The following ZC3H12C variants were observed in gnomAD, a reference collection of about 807,000 sequenced individuals.
ZC3H12C encodes the protein zinc finger CCCH-type containing 12C.
ZC3H12C carries 20 observed loss-of-function variants against 76.3 expected under a neutral mutation model. The ratio of observed to expected loss-of-function variants is 0.26; its 90% CI spans 0.18 to 0.38. The LOEUF (loss-of-function observed/expected upper bound fraction) is 0.38, where lower values mean the gene tolerates loss of function less well. Among genes scored for constraint, ZC3H12C ranks in the 10% least tolerant of loss-of-function variants. ZC3H12C has a pLI of 1.00. For missense variants in ZC3H12C, 874 were observed against 1,086.5 expected (o/e 0.80, Z 2.75); for synonymous variants, 352 against 399.6 (o/e 0.88, Z 1.42).
At chr11:110,119,732 G>T (rs894755644) in intron 1 of ZC3H12C, among the ~76,000 whole-genome samples, 1 of 152,196 alleles carries the variant, frequency 6.6e-6, no homozygotes, top group Admixed American at 6.5e-5. Context: ...TCGATGTCTG[G>T]TGAAGTCCTC....
intron 1 of ZC3H12C, among the ~76,000 whole-genome samples, chr11:110,107,641 T>A (rs1411115787): frequency 6.6e-6 from 1 of 152,122 alleles, no homozygotes; most frequent in Non-Finnish European, 1.5e-5. Flanking sequence ...ATCTCCTGCC[T>A]CAGCCTCCTG....
chr11:110,127,460 GTT>G (rs1441508695), intron 1 of ZC3H12C, among the ~76,000 whole-genome samples: 3 of 152,092 alleles, frequency 2.0e-5, no homozygotes, highest in Non-Finnish European at 4.4e-5. Flanking sequence ...AGCTTTTGTT[GTT>G]GTTGGTGGTG....
chr11:110,120,895 C>G (rs757798147), intron 1 of ZC3H12C, among the ~76,000 whole-genome samples: 29 of 152,184 alleles, frequency 1.9e-4, no homozygotes, highest in Non-Finnish European at 2.2e-4. Context: ...TCAGGTATGG[C>G]TGAGTCAGGT....
intron 1 of ZC3H12C, chr11:110,136,081 T>C (rs1163002429): frequency 6.6e-6 from 1 of 152,272 alleles, no homozygotes; most frequent in African/African-American, 2.4e-5. Context: ...ATGTGCTCTT[T>C]CATTGCAGTA....
chr11:110,095,065 A>G (rs1362156533), intron 1 of ZC3H12C, among the ~76,000 whole-genome samples: 2 of 152,222 alleles, frequency 1.3e-5, no homozygotes, highest in Non-Finnish European at 2.9e-5. Flanking sequence ...ATTTTAGTAT[A>G]ATGGGAAATA....
intron 1 of ZC3H12C, among the ~76,000 whole-genome samples, chr11:110,113,091 C>A (rs1156362952): frequency 6.6e-6 from 1 of 152,066 alleles, no homozygotes; most frequent in Non-Finnish European, 1.5e-5. Flanking sequence ...ATATCTTATT[C>A]TTTTCCTGCC....
chr11:110,135,051 T>C lies in ZC3H12C; in HGVS notation c.22-1612T>C, dbSNP rs985867027. On this transcript the variant is annotated intron_variant, in intron 1 of 5. Coordinates refer to ENST00000278590, the MANE Select transcript of ZC3H12C (RefSeq NM_033390.2). ...TATAATAGCTATTTTCTAGTGTAAATATGATGTTGAAGAGCTTTAGAAACA... is the reference window on the plus strand; with the variant it reads ...TATAATAGCTATTTTCTAGTGTAAACATGATGTTGAAGAGCTTTAGAAACA... 5.9e-5 allele frequency among the ~76,000 whole-genome samples: 9 copies of C among 152,326 alleles called. No individual in the cohort carries two copies. The East Asian group carries it at 1.7e-3, about 29-fold the overall frequency.
In ZC3H12C at chr11:110,136,958, T is replaced by G. The variant is rs1279082436; in HGVS notation, c.317T>G (p.Ile106Ser). Residue 106 changes from isoleucine (I) to serine (S), a missense_variant, in exon 2 of 6, where the codon ATT becomes AGT. Ile to Ser is a moderately radical substitution (Grantham distance 142). Coordinates refer to ENST00000278590, the MANE Select transcript of ZC3H12C (RefSeq NM_033390.2). ...CATGAGTCAGAACAATTGGGTAGCA[T>G]TTCAGTAGAGCCAGGCTTGATAACT... ...SDHESEQLGS[I>S]SVEPGLITKT... is the part of the protein sequence containing the mutation. 1.2e-6 allele frequency: 2 copies of G among 1,613,744 alleles called. No homozygotes were observed. The highest frequency in any genetic ancestry group is 1.3e-5 in the African/African-American group (1 of 75,050).
chr11:110,151,104 G>C (rs940120531), intron 2 of ZC3H12C, among the ~76,000 whole-genome samples: 2 of 152,018 alleles, frequency 1.3e-5, no homozygotes, highest in Non-Finnish European at 2.9e-5. Flanking sequence ...TGGAGAGGGA[G>C]GATAATGAAA....
chr11:110,126,035 C>A (rs1226925057), intron 1 of ZC3H12C, among the ~76,000 whole-genome samples: 1 of 152,058 alleles, frequency 6.6e-6, no homozygotes, highest in Non-Finnish European at 1.5e-5. Flanking sequence ...TGTCCCAAGC[C>A]CTTTCTCAAA....
In ZC3H12C at chr11:110,125,353, G is replaced by T. The variant is rs528582915; in HGVS notation, c.22-11310G>T. On this transcript the variant is annotated intron_variant, in intron 1 of 5. Transcript: ENST00000278590. ...TTTGTTTGTTTTGAGATGGAGTCTC[G>T]CTCTGTCATACAGGCTGGAGTGCAG... 2.5e-4 allele frequency among the ~76,000 whole-genome samples: 37 copies of T among 145,824 alleles called. No individual in the cohort carries two copies. The South Asian group carries it at 4.2e-3, about 17-fold the overall frequency.
intron 1 of ZC3H12C, among the ~76,000 whole-genome samples, chr11:110,098,068 G>A (rs1020567355): frequency 7.9e-5 from 12 of 152,090 alleles, no homozygotes; most frequent in African/African-American, 2.7e-4. Context: ...CTATCAGGAG[G>A]TATTTCAGAA....
chr11:110,117,365 T>C (rs1164210032), intron 1 of ZC3H12C, among the ~76,000 whole-genome samples: 3 of 152,154 alleles, frequency 2.0e-5, no homozygotes, highest in Non-Finnish European at 4.4e-5. Flanking sequence ...TAATCCACAT[T>C]TCTAAATTTT....
In ZC3H12C at chr11:110,152,888, G is replaced by T. The variant is rs761070180; in HGVS notation, c.774-31G>T. On this transcript the variant is annotated intron_variant, in intron 2 of 5. Transcript: ENST00000278590. ...AATTTACTTAAATTTAGGTTTTGTT[G>T]TGTTTTAAGTGTTCCGTAATAATCT... 5 of 1,598,652 alleles carry T rather than the reference G, an allele frequency of 3.1e-6. No individual in the cohort carries two copies. In the East Asian group the frequency reaches 6.7e-5, roughly 21 times the overall value.
In ZC3H12C at chr11:110,163,273, G is replaced by T. The variant is rs765123686; in HGVS notation, c.1149G>T (p.Lys383Asn). ...RLLMYSFVND[K>N]FMPPDDPLGR... is the part of the protein sequence containing the mutation. ...CATTTTTTTATTATCTCCATGACAG[G>T]TTCATGCCCCCTGATGACCCTCTTG... The change falls in exon 5 of 6, where the codon AAG becomes AAT. Residue 383 changes from lysine to asparagine, a missense_variant and splice_region_variant. Coordinates refer to ENST00000278590, the MANE Select transcript of ZC3H12C (RefSeq NM_033390.2). 1 of 1,610,824 alleles carries T rather than the reference G, an allele frequency of 6.2e-7. No homozygotes were observed. Among genetic ancestry groups the T allele is most frequent in the Non-Finnish European group, 8.5e-7 (1 of 1,178,546 alleles).
chr11:110,152,186 CACTT>C (rs1441024869), intron 2 of ZC3H12C, among the ~76,000 whole-genome samples: 3 of 152,202 alleles, frequency 2.0e-5, no homozygotes, highest in Non-Finnish European at 2.9e-5. Context: ...GCTAGATAAA[CACTT>C]ACTGAATGAC....
intron 2 of ZC3H12C, among the ~76,000 whole-genome samples, chr11:110,141,441 C>T (rs1862066262): frequency 6.6e-6 from 1 of 152,118 alleles, no homozygotes; most frequent in African/African-American, 2.4e-5. Flanking sequence ...ACTTGAGAAC[C>T]CTTTTTAATA....
At chr11:110,094,078 T>C (rs1054308908) in intron 1 of ZC3H12C, among the ~76,000 whole-genome samples, 5 of 152,196 alleles carry the variant, frequency 3.3e-5, no homozygotes, top group South Asian at 2.1e-4. Flanking sequence ...GTGTTACAAA[T>C]ATAACTTGGA....
intron 1 of ZC3H12C, among the ~76,000 whole-genome samples, chr11:110,119,396 CT>C (rs11367504): frequency 0.76 from 116,124 of 152,052 alleles, 45,473 homozygotes; most frequent in African/African-American, 0.94. Context: ...TCCAGACATC[CT>C]TCAATCAGAA....
Sources: allele counts gnomAD v4.1 joint callset (sites outside exome capture counted in the v4.1 genomes callset), GRCh38; gene constraint gnomAD v4.1.1; transcripts MANE v1.5; gene names NCBI Gene and HGNC (gene_info 2026-07-23, HGNC 2026-07-21).